Variants in GRIN2B observed in about 807,000 individuals in gnomAD.
GRIN2B encodes glutamate receptor ionotropic, NMDA 2B.
Under a neutral mutation model 114.5 loss-of-function variants are expected in GRIN2B, and 5 were observed. That is an observed-to-expected ratio of 0.04 (90% confidence interval 0.02 to 0.09). GRIN2B has a LOEUF of 0.09. GRIN2B is among the 10% of genes least tolerant of loss of function. GRIN2B has a pLI of 1.00. For synonymous variants in GRIN2B, 787 were observed against 745.1 expected (o/e 1.06, Z -0.92); for missense variants, 1,108 against 1,943.5 (o/e 0.57, Z 8.08).
intron 4 of GRIN2B, among the ~76,000 whole-genome samples, chr12:13,701,709 A>G (rs781222296): frequency 1.3e-5 from 2 of 151,300 alleles, no homozygotes; most frequent in African/African-American, 2.4e-5. Flanking sequence ...GACTAGCACA[A>G]GAAGCCCAGG....
intron 2 of GRIN2B, among the ~76,000 whole-genome samples, chr12:13,961,820 G>A (rs547164140): frequency 6.6e-6 from 1 of 152,246 alleles, no homozygotes; most frequent in East Asian, 1.9e-4. Flanking sequence ...GTCAGAGGCT[G>A]TCTTCCTCCC....
At chr12:13,905,118 A>T (rs1342939449) in intron 2 of GRIN2B, among the ~76,000 whole-genome samples, 1 of 152,192 alleles carries the variant, frequency 6.6e-6, no homozygotes, top group Non-Finnish European at 1.5e-5. Context: ...TTCTGGTAGA[A>T]TAAACTTTTT....
At chr12:13,899,420 G>A (rs540141864) in intron 2 of GRIN2B, among the ~76,000 whole-genome samples, 3 of 106,054 alleles carry the variant, frequency 2.8e-5, no homozygotes, top group African/African-American at 7.9e-5. Context: ...GTGTTTAATC[G>A]TAGGGCAATC....
At chr12:13,660,024 T>C (rs1436350121) in intron 5 of GRIN2B, among the ~76,000 whole-genome samples, 2 of 152,166 alleles carry the variant, frequency 1.3e-5, no homozygotes, top group Non-Finnish European at 2.9e-5. Context: ...CTGTTGCTAC[T>C]CAGGGACATC....
intron 5 of GRIN2B, among the ~76,000 whole-genome samples, chr12:13,641,261 G>A (rs112518761): frequency 0.24 from 36,203 of 151,756 alleles, 5,494 homozygotes; most frequent in Middle Eastern, 0.41. Context: ...TAGTAGAGAT[G>A]GGGGTTTCAC....
intron 3 of GRIN2B, among the ~76,000 whole-genome samples, chr12:13,785,586 T>C (rs183068495): frequency 1.3e-4 from 20 of 152,284 alleles, no homozygotes; most frequent in Admixed American, 8.5e-4. Flanking sequence ...CAAAGTCTCA[T>C]TCAAAGCCTC....
At chr12:13,823,265 T>C (rs901260541) in intron 3 of GRIN2B, among the ~76,000 whole-genome samples, 7 of 151,998 alleles carry the variant, frequency 4.6e-5, no homozygotes, top group African/African-American at 1.2e-4. Flanking sequence ...GTAAAGAGAG[T>C]TGAAATCTTA....
chr12:13,784,851 T>A (rs191133681), intron 3 of GRIN2B, among the ~76,000 whole-genome samples: 4 of 152,316 alleles, frequency 2.6e-5, no homozygotes, highest in African/African-American at 9.6e-5. Flanking sequence ...CAAAGAAGCC[T>A]ACCAACCAAA....
intron 3 of GRIN2B, among the ~76,000 whole-genome samples, chr12:13,843,026 A>ATTATTTATTTAT (rs60291696): frequency 8.5e-6 from 1 of 117,110 alleles, no homozygotes; most frequent in African/African-American, 3.2e-5. Context: ...AAAATTTTTT[A>ATTATTTATTTAT]TTATTTATTT....
chr12:13,951,931 C>T (rs1867488973), intron 2 of GRIN2B, among the ~76,000 whole-genome samples: 1 of 152,110 alleles, frequency 6.6e-6, no homozygotes, highest in Admixed American at 6.6e-5. Context: ...AGAAAGCTAT[C>T]CTTATTAATT....
At chr12:13,957,192 G>A (rs1356215145) in intron 2 of GRIN2B, among the ~76,000 whole-genome samples, 1 of 152,110 alleles carries the variant, frequency 6.6e-6, no homozygotes, top group Non-Finnish European at 1.5e-5. Context: ...GCTTCCACTG[G>A]ACTCGGCTCA....
At chr12:13,750,264 C>A (rs1438853307) in intron 4 of GRIN2B, among the ~76,000 whole-genome samples, 1 of 152,162 alleles carries the variant, frequency 6.6e-6, no homozygotes, top group Non-Finnish European at 1.5e-5. Flanking sequence ...GTAGGGCCAC[C>A]TTCCTGGGTG....
At chr12:13,954,814 A>AAAAAAAAAAAAAAAAAAAAAC (rs1867557316) in intron 2 of GRIN2B, among the ~76,000 whole-genome samples, 2 of 145,610 alleles carry the variant, frequency 1.4e-5, no homozygotes, top group Non-Finnish European at 3.0e-5. Context: ...GTCTCAGGAA[A>AAAAAAAAAAAAAAAAAAAAAC]AAAAAAAAAA....
At chr12:13,597,824 T>C (rs1164492897) in intron 10 of GRIN2B, among the ~76,000 whole-genome samples, 4 of 152,216 alleles carry the variant, frequency 2.6e-5, no homozygotes, top group African/African-American at 7.2e-5. Context: ...TCGGTAACAG[T>C]AGAACCATAT....
At chr12:13,669,526 C>A (rs1950004661) in intron 5 of GRIN2B, among the ~76,000 whole-genome samples, 1 of 152,022 alleles carries the variant, frequency 6.6e-6, no homozygotes, top group African/African-American at 2.4e-5. Context: ...TCTGTTTCAC[C>A]CCCTTAGATG....
intron 3 of GRIN2B, among the ~76,000 whole-genome samples, chr12:13,814,356 A>G (rs1229931769): frequency 1.3e-5 from 2 of 152,248 alleles, no homozygotes; most frequent in Non-Finnish European, 2.9e-5. Context: ...ATGACCAGCA[A>G]AGGAGAGAGT....
chr12:13,981,054 TG>T (rs1424758377), intron 1 of GRIN2B, among the ~76,000 whole-genome samples: 9 of 151,734 alleles, frequency 5.9e-5, no homozygotes, highest in African/African-American at 2.2e-4. Context: ...GCTCGGCGCG[TG>T]GGTCCGGCCC....
chr12:13,660,341 C>G lies in GRIN2B; in HGVS notation c.1125+15404G>C, dbSNP rs1949909645. On this transcript the variant is annotated intron_variant, in intron 5 of 13. Coordinates refer to ENST00000609686, the MANE Select transcript of GRIN2B (RefSeq NM_000834.5). Reference sequence around the variant, plus strand: ...TACCTGTGTGATTTTCTTAACCCCTCTGTTAAAAGGGTACATTTCTTGAGA... The same window carrying G: ...TACCTGTGTGATTTTCTTAACCCCTGTGTTAAAAGGGTACATTTCTTGAGA... Among the ~76,000 whole-genome samples the G allele has an allele frequency of 3.3e-5, 5 of 152,258 alleles. No homozygotes were observed. In the South Asian group the frequency reaches 1.0e-3, roughly 32 times the overall value.
At chr12:13,901,655 T>C (rs1866455530) in intron 2 of GRIN2B, among the ~76,000 whole-genome samples, 1 of 152,110 alleles carries the variant, frequency 6.6e-6, no homozygotes, top group Non-Finnish European at 1.5e-5. Context: ...ACGTATCTTA[T>C]AAATATATTT....
Sources: allele counts gnomAD v4.1 joint callset (sites outside exome capture counted in the v4.1 genomes callset), GRCh38; gene constraint gnomAD v4.1.1; transcripts MANE v1.5; gene names NCBI Gene and HGNC (gene_info 2026-07-23, HGNC 2026-07-21).